The following FANCM variants were observed in gnomAD, a reference collection of about 807,000 sequenced individuals.
The protein encoded by FANCM is FA complementation group M.
Under a neutral mutation model 199.5 loss-of-function variants are expected in FANCM, and 140 were observed. The ratio of observed to expected loss-of-function variants is 0.70; its 90% CI spans 0.61 to 0.81. The LOEUF (loss-of-function observed/expected upper bound fraction) is 0.81. Ranked by LOEUF, FANCM falls within the 30% of genes least tolerant of loss-of-function variation. The pLI, the probability that FANCM is intolerant of heterozygous loss-of-function variation, is 0.00. For synonymous variants in FANCM, 840 were observed against 836.8 expected (o/e 1.00, Z -0.07); for missense variants, 2,410 against 2,421.4 (o/e 1.00, Z 0.10).
At chr14:45,161,990 G>T (rs1887638509) in intron 9 of FANCM, among the ~76,000 whole-genome samples, 1 of 152,188 alleles carries the variant, frequency 6.6e-6, no homozygotes, top group African/African-American at 2.4e-5. Flanking sequence ...TGACAAATTA[G>T]AGTGGGATAT....
At chr14:45,197,139 C>G (rs1250234251) in intron 21 of FANCM, among the ~76,000 whole-genome samples, 3 of 152,078 alleles carry the variant, frequency 2.0e-5, no homozygotes, top group Admixed American at 2.0e-4. Flanking sequence ...ATGGCGAGCC[C>G]TCAAGAACAG....
chr14:45,144,015 A>G (rs751939933), intron 3 of FANCM, among the ~76,000 whole-genome samples: 12 of 151,644 alleles, frequency 7.9e-5, no homozygotes, highest in South Asian at 2.1e-4. Context: ...TATTGGATAC[A>G]TTCTGTGGCA....
intron 14 of FANCM, chr14:45,181,016 G>C (rs1197475828): frequency 5.2e-6 from 1 of 191,780 alleles, no homozygotes; most frequent in African/African-American, 2.4e-5. Context: ...ATATTGTTTT[G>C]TAGCTTGCAT....
At chr14:45,137,355 C>T (rs1885595451) in intron 2 of FANCM, 114 bp downstream of exon 2, 7 of 813,690 alleles carry the variant, frequency 8.6e-6, no homozygotes, top group Non-Finnish European at 1.2e-5. Flanking sequence ...AAAGCCTTTA[C>T]GTCTATTATC....
intron 21 of FANCM, among the ~76,000 whole-genome samples, chr14:45,197,435 G>A (rs1890121608): frequency 6.6e-6 from 1 of 151,578 alleles, no homozygotes; most frequent in Admixed American, 6.6e-5. Flanking sequence ...CCTTAGATAA[G>A]TCATTTTATC....
chr14:45,152,570 C>G (rs1051998845), intron 5 of FANCM, among the ~76,000 whole-genome samples: 5 of 152,138 alleles, frequency 3.3e-5, no homozygotes, highest in Admixed American at 3.3e-4. Context: ...AGAGAAGACA[C>G]TCATAGACAC....
rs201239047 is a variant in FANCM, at chr14:45,145,744, G to GA, written c.760-3090dup. On this transcript the variant is annotated intron_variant, in intron 3 of 22. Coordinates refer to ENST00000267430, the MANE Select transcript of FANCM (RefSeq NM_020937.4). The stretch of plus-strand genomic sequence containing the variant: ...TCGAGACCACACTGGCTAACACAGT[G>GA]AAACCCCGTCTCTACTAAAAAATAC... Among the ~76,000 whole-genome samples, 432 of 152,264 alleles carry GA rather than the reference G, an allele frequency of 2.8e-3. 5 individuals carry two copies. The highest frequency in any genetic ancestry group is 0.021 in the Admixed American group (314 of 15,300).
At chr14:45,173,426 G>C (rs1888470120) in intron 13 of FANCM, among the ~76,000 whole-genome samples, 1 of 152,152 alleles carries the variant, frequency 6.6e-6, no homozygotes, top group Non-Finnish European at 1.5e-5. Flanking sequence ...GACCAGAGTA[G>C]AATTTTAATA....
At chr14:45,159,039 T>A in intron 8 of FANCM, 57 bp from the exon 9 acceptor site, 1 of 1,106,318 alleles carries the variant, frequency 9.0e-7, no homozygotes, top group Non-Finnish European at 1.3e-6. Flanking sequence ...TTTGAACTAT[T>A]TCTTGTCTAA....
intron 3 of FANCM, among the ~76,000 whole-genome samples, chr14:45,143,716 CAG>C (rs1301248080): frequency 3.2e-5 from 4 of 126,410 alleles, no homozygotes; most frequent in African/African-American, 1.3e-4. Flanking sequence ...TTTTTTGAGA[CAG>C]AGTCTCGCTT....
intron 2 of FANCM, among the ~76,000 whole-genome samples, chr14:45,139,999 A>T (rs77820754): frequency 0.053 from 8,060 of 152,164 alleles, 664 homozygotes; most frequent in African/African-American, 0.18. Context: ...TAAAAAAAAA[A>T]TTTTTTGTGA....
chr14:45,147,208 G>T (rs1030678972), intron 3 of FANCM, among the ~76,000 whole-genome samples: 1 of 152,090 alleles, frequency 6.6e-6, no homozygotes, highest in East Asian at 1.9e-4. Flanking sequence ...TGGGCACTGC[G>T]CCAGGTATTG....
rs148675704 is a variant in FANCM at position 45,176,983 on chromosome 14, T to G, written c.4222+7T>G. ...TCCTGTCATTCTGTTGAAGGTAAGA[T>G]TCCATCTTTATAAAGTCTATAACTC... On this transcript the variant is annotated splice_region_variant and intron_variant, in intron 14 of 22. Transcript: ENST00000267430. 841 of 1,507,644 alleles carry G rather than the reference T, an allele frequency of 5.6e-4. 5 individuals are homozygous for G. The African/African-American group carries it at 0.01, about 18-fold the overall frequency. 93.4% of individuals were successfully genotyped at this position (1,507,644 alleles called of 1,614,324 possible). A position where few individuals can be genotyped will look rare whatever the true frequency, so the allele number is the denominator to read the frequency against.
chr14:45,148,837 G>T lies in FANCM; in HGVS notation c.760G>T (p.Ala254Ser). 1.9e-6 allele frequency: 3 copies of T among 1,600,310 alleles called. No individual in the cohort carries two copies. The highest frequency in any genetic ancestry group is 2.6e-6 in the Non-Finnish European group (3 of 1,168,914). ...LSATPGSDIKAVQQVITNLLI... is the reference protein window; with the variant it reads ...LSATPGSDIKSVQQVITNLLI... ...ATCATACTTAATTGATTTCATATAG[G>T]CTGTGCAACAAGTTATTACTAACCT... The change falls in exon 4 of 23, where the codon GCT becomes TCT. Residue 254 changes from alanine to serine, a missense_variant and splice_region_variant. By Grantham distance (99) the Ala-to-Ser change is moderately conservative. Transcript: ENST00000267430.
chr14:45,168,655 T>C (rs1378709226), intron 11 of FANCM, among the ~76,000 whole-genome samples: 1 of 149,990 alleles, frequency 6.7e-6, no homozygotes, highest in Admixed American at 6.7e-5. Context: ...AATAATTCTA[T>C]AATTCTGTAC....
intron 5 of FANCM, among the ~76,000 whole-genome samples, chr14:45,152,593 C>T (rs934761935): frequency 7.9e-5 from 12 of 152,084 alleles, no homozygotes; most frequent in African/African-American, 1.9e-4. Context: ...AAAAGGGCAC[C>T]GAGTCGATCT....
intron 9 of FANCM, among the ~76,000 whole-genome samples, chr14:45,161,598 G>C (rs1276525658): frequency 6.6e-6 from 1 of 152,092 alleles, no homozygotes; most frequent in Admixed American, 6.6e-5. Flanking sequence ...GGGCAACATG[G>C]TAAAACCTTA....
At chr14:45,160,983 T>C (rs765274288) in intron 9 of FANCM, among the ~76,000 whole-genome samples, 1 of 152,066 alleles carries the variant, frequency 6.6e-6, no homozygotes, top group Non-Finnish European at 1.5e-5. Flanking sequence ...TTTTAAGGCA[T>C]CTAGTGGGTG....
chr14:45,181,453 G>A lies in FANCM; in HGVS notation c.4246G>A (p.Glu1416Lys), dbSNP rs761766810. ...VEDGQLLTSN[E>K]SEDDEIFRRK... The stretch of plus-strand genomic sequence containing the variant: ...AGATGGACAATTATTAACAAGTAAC[G>A]AAAGTGAAGATGACGAGATTTTCCG... Residue 1416 changes from glutamate to lysine, a missense_variant, in exon 15 of 23, where the codon GAA (glutamate) becomes AAA (lysine). Physicochemically the swap from Glu to Lys is moderately conservative, Grantham distance 56. Transcript: ENST00000267430. 3 of 1,596,378 alleles carry A rather than the reference G, an allele frequency of 1.9e-6. No homozygotes were observed. Among genetic ancestry groups the A allele is most frequent in the East Asian group, 2.2e-5 (1 of 44,654 alleles).
Sources: allele counts gnomAD v4.1 joint callset (sites outside exome capture counted in the v4.1 genomes callset), GRCh38; gene constraint gnomAD v4.1.1; transcripts MANE v1.5; gene names NCBI Gene and HGNC (gene_info 2026-07-23, HGNC 2026-07-21).